The following ING5 variants were observed in gnomAD, a reference collection of about 807,000 sequenced individuals.
The protein encoded by ING5 is inhibitor of growth family member 5, also known as inhibitor of growth protein 5.
ING5 carries 17 observed loss-of-function variants against 37.4 expected under a neutral mutation model. That is an observed-to-expected ratio of 0.45 (90% CI 0.31 to 0.68). ING5 has a LOEUF of 0.68. Among genes scored for constraint, ING5 ranks in the 30% least tolerant of loss-of-function variants. The pLI is 0.05. For missense variants in ING5, 233 were observed against 311.9 expected (o/e 0.75, Z 1.91); for synonymous variants, 123 against 116.6 (o/e 1.06, Z -0.36).
In ING5 at chr2:241,702,041, A is replaced by T. The variant is rs1378560860; in HGVS notation, c.-25A>T. 3.7e-6 allele frequency: 5 copies of T among 1,366,622 alleles called. No homozygotes were observed. In the South Asian group the frequency reaches 4.7e-5, roughly 13 times the overall value. The allele number at this position is 1,366,622 out of a possible 1,614,324, so 84.7% of individuals were successfully genotyped here. A position where few individuals can be genotyped will look rare whatever the true frequency, so the allele number is the denominator to read the frequency against. ...CCCGCGGCACCGCCCGCCCGCGCAG[A>T]CCCCGAGCGCGGCCGCGGACGAAGA... On this transcript the variant is annotated 5_prime_UTR_variant, in exon 1 of 8. Transcript: ENST00000313552.
chr2:241,712,679 A>C (rs2070146443), intron 5 of ING5, among the ~76,000 whole-genome samples: 1 of 152,120 alleles, frequency 6.6e-6, no homozygotes, highest in African/African-American at 2.4e-5. Context: ...CTAAAGAGAA[A>C]ATGCTGAAAT....
At chr2:241,724,443 C>T (rs373968582) in intron 7 of ING5, among the ~76,000 whole-genome samples, 7 of 152,198 alleles carry the variant, frequency 4.6e-5, no homozygotes, top group South Asian at 2.1e-4. Flanking sequence ...TCATGCGAGT[C>T]GGCTGCCTCC....
chr2:241,707,407 C>T (rs940325794), intron 2 of ING5, among the ~76,000 whole-genome samples: 31 of 152,136 alleles, frequency 2.0e-4, no homozygotes, highest in Non-Finnish European at 3.7e-4. Flanking sequence ...TCTCCTGCCT[C>T]AGCCTCCCGA....
intron 5 of ING5, among the ~76,000 whole-genome samples, chr2:241,712,820 A>G (rs921249261): frequency 3.3e-5 from 5 of 152,032 alleles, no homozygotes; most frequent in African/African-American, 1.2e-4. Flanking sequence ...GAGCCCAGGA[A>G]TCTGAGACCA....
chr2:241,722,161 G>A, intron 5 of ING5: 1 of 985,418 alleles, frequency 1.0e-6, no homozygotes, highest in Non-Finnish European at 1.2e-6. Flanking sequence ...CACAGTTACG[G>A]GAGAGCTGTT....
Position 241,725,778 on chromosome 2 carries a change from A to AT in ING5, c.*753dup, listed in dbSNP as rs567597770. 6.6e-6 allele frequency: 1 copy of AT among 152,578 alleles called. No individual in the cohort carries two copies. Among genetic ancestry groups the AT allele is most frequent in the Non-Finnish European group, 1.5e-5 (1 of 67,982 alleles). 9.5% of individuals were successfully genotyped at this position (152,578 alleles called of 1,614,324 possible). ...TGCTCCGTTTCTCTGGGAATTGGTG[A>AT]TTTTTTACTGTGAAGATGAAATTAC... On this transcript the variant is annotated 3_prime_UTR_variant, in exon 8 of 8. Coordinates refer to ENST00000313552, the MANE Select transcript of ING5 (RefSeq NM_032329.6).
chr2:241,687,629 G>A, exon 1 of ING5: 3 of 297,412 alleles, frequency 1.0e-5, no homozygotes. Context: ...CCGGGTTCAA[G>A]CGATTCTCCT....
At position 241,712,207 on chromosome 2, in the gene ING5, G is replaced by A. The variant is rs1476356461; in HGVS notation, c.482+136G>A. 24 of 724,886 alleles carry A rather than the reference G, an allele frequency of 3.3e-5. No individual in the cohort carries two copies. The East Asian group carries it at 3.4e-4, about 10-fold the overall frequency. The allele number at this position is 724,886 out of a possible 1,614,324, so 44.9% of individuals were successfully genotyped here. Reference sequence around the variant, plus strand: ...GGTGGTATTCTGATTCTTACGCTGCGCGCCTGTCGTCAGCCTGTCCTCACC... The same window carrying A: ...GGTGGTATTCTGATTCTTACGCTGCACGCCTGTCGTCAGCCTGTCCTCACC... On this transcript the variant is annotated intron_variant, in intron 5 of 7. Transcript: ENST00000313552.
intron 5 of ING5, chr2:241,720,225 C>A: frequency 8.1e-7 from 1 of 1,231,700 alleles, no homozygotes; most frequent in Non-Finnish European, 1.0e-6. Context: ...CCCGCCTGCC[C>A]CTGGGCTCTG....
chr2:241,693,031 C>T (rs546140260), intron 2 of ING5, among the ~76,000 whole-genome samples: 119 of 152,114 alleles, frequency 7.8e-4, no homozygotes, highest in African/African-American at 2.4e-3. Flanking sequence ...GAGGCAGAGG[C>T]GGGCAGATCA....
intron 1 of ING5, among the ~76,000 whole-genome samples, chr2:241,689,369 C>G (rs137862957): frequency 6.6e-6 from 1 of 152,188 alleles, no homozygotes; most frequent in Non-Finnish European, 1.5e-5. Flanking sequence ...GTCAGCCTCC[C>G]TAAGTGCTGG....
chr2:241,709,503 G>A, intron 3 of ING5, 121 bp downstream of exon 3: 1 of 861,552 alleles, frequency 1.2e-6, no homozygotes, highest in Admixed American at 2.5e-5. Flanking sequence ...TTTGGTAGCT[G>A]ACGCTGCTGG....
chr2:241,723,975 A>C, intron 7 of ING5: 1 of 1,268,678 alleles, frequency 7.9e-7, no homozygotes, highest in Non-Finnish European at 1.1e-6. Flanking sequence ...GCGCCACTGC[A>C]CTCCAGCCTG....
Position 241,725,380 on chromosome 2 carries a change from T to C in ING5, c.*349T>C, listed in dbSNP as rs537614719. ...GGTCCACGGAGGGCGGCCGCCACCC[T>C]CGCGTAGCTTTCCTGTGGTTTTCCA... On this transcript the variant is annotated 3_prime_UTR_variant, in exon 8 of 8. Coordinates refer to ENST00000313552, the MANE Select transcript of ING5 (RefSeq NM_032329.6). 193 of 294,184 alleles carry C rather than the reference T, an allele frequency of 6.6e-4. 1 individual carries two copies. The highest frequency in any genetic ancestry group is 3.9e-3 in the African/African-American group (175 of 44,442). 18.2% of individuals were successfully genotyped at this position (294,184 alleles called of 1,614,324 possible). A position where few individuals can be genotyped will look rare whatever the true frequency, so the allele number is the denominator to read the frequency against.
intron 5 of ING5, among the ~76,000 whole-genome samples, chr2:241,716,442 G>A (rs374120311): frequency 2.6e-5 from 4 of 151,450 alleles, no homozygotes; most frequent in South Asian, 2.1e-4. Flanking sequence ...ATAGGTGTGC[G>A]CCACCACACC....
chr2:241,723,989 G>A (rs1307311887), intron 7 of ING5: 12 of 1,323,964 alleles, frequency 9.1e-6, no homozygotes, highest in East Asian at 2.5e-5. Flanking sequence ...CAGCCTGGGC[G>A]AGAGAGCAAG....
At position 241,722,194 on chromosome 2, in the gene ING5, C is replaced by A. The variant is rs1374521231; in HGVS notation, c.483-745C>A. The stretch of plus-strand genomic sequence containing the variant: ...GTTGACTGTGCGGGCTGCTCTGACA[C>A]CTGTCAGTCTGGAGTGGGAGGCTGG... On this transcript the variant is annotated intron_variant, in intron 5 of 7. Coordinates refer to ENST00000313552, the MANE Select transcript of ING5 (RefSeq NM_032329.6). 3.0e-6 allele frequency: 3 copies of A among 985,244 alleles called. No individual in the cohort carries two copies. In the East Asian group the frequency reaches 3.4e-4, roughly 112 times the overall value. 61.0% of individuals were successfully genotyped at this position (985,244 alleles called of 1,614,324 possible).
chr2:241,696,470 TA>T (rs773797820), intron 2 of ING5, among the ~76,000 whole-genome samples: 2 of 151,670 alleles, frequency 1.3e-5, no homozygotes, highest in Non-Finnish European at 2.9e-5. Context: ...GGTGAGTCAG[TA>T]AAAGAACAAC....
At chr2:241,708,132 G>C (rs1288070330) in intron 2 of ING5, among the ~76,000 whole-genome samples, 1 of 151,850 alleles carries the variant, frequency 6.6e-6, no homozygotes, top group Non-Finnish European at 1.5e-5. Context: ...TCTTAACCTC[G>C]TGATCCTCCT....
Sources: allele counts gnomAD v4.1 joint callset (sites outside exome capture counted in the v4.1 genomes callset), GRCh38; gene constraint gnomAD v4.1.1; transcripts MANE v1.5; gene names NCBI Gene and HGNC (gene_info 2026-07-23, HGNC 2026-07-21).